The following TP53BP2 variants were observed in gnomAD, a reference collection of about 807,000 sequenced individuals.
The protein encoded by TP53BP2 is apoptosis-stimulating of p53 protein 2.
TP53BP2 carries 62 observed loss-of-function variants against 126.2 expected under a neutral mutation model. The ratio of observed to expected loss-of-function variants is 0.49; its 90% CI spans 0.40 to 0.61. The LOEUF (loss-of-function observed/expected upper bound fraction) is 0.61. Among genes scored for constraint, TP53BP2 ranks in the 20% least tolerant of loss-of-function variants. The probability of loss-of-function intolerance (pLI) is 0.00; values close to 1 mark genes in which losing one functional copy is unlikely to be tolerated. For synonymous variants in TP53BP2, 485 were observed against 502.9 expected (o/e 0.96, Z 0.48); for missense variants, 1,215 against 1,402.8 (o/e 0.87, Z 2.14).
At chr1:223,806,306 A>G (rs1662714437) in intron 5 of TP53BP2, among the ~76,000 whole-genome samples, 1 of 152,166 alleles carries the variant, frequency 6.6e-6, no homozygotes, top group South Asian at 2.1e-4. Flanking sequence ...AATCTTGATC[A>G]GAATCAGGAG....
intron 17 of TP53BP2, among the ~76,000 whole-genome samples, chr1:223,781,296 G>GCC (rs962901962): frequency 1.3e-4 from 20 of 152,362 alleles, no homozygotes; most frequent in Admixed American, 4.6e-4. Flanking sequence ...GAAAGAGACT[G>GCC]AATTCTTTTA....
chr1:223,802,868 T>C lies in TP53BP2; in HGVS notation c.859A>G (p.Asn287Asp). ...QLRNKLNQEQNAKLQQQRECL... is the reference protein window; with the variant it reads ...QLRNKLNQEQDAKLQQQRECL... ...TCCCTCTGTTGTTGTAGCTTGGCAT[T>C]CTGCTCTTGATTCAATTTGTTTCTT... The change falls in exon 8 of 18, where the codon AAT becomes GAT. Residue 287 changes from asparagine to aspartate, a missense_variant. Physicochemically the swap from Asn to Asp is conservative, Grantham distance 23 (BLOSUM62 1). This residue lies in a region of TP53BP2 where 814 missense variants were observed against 853.0 expected (regional missense o/e 0.95). Transcript: ENST00000343537. The C allele has an allele frequency of 6.2e-7, 1 of 1,614,218 alleles. No individual in the cohort carries two copies. Among genetic ancestry groups the C allele is most frequent in the Non-Finnish European group, 8.5e-7 (1 of 1,180,028 alleles).
intron 1 of TP53BP2, among the ~76,000 whole-genome samples, chr1:223,833,737 T>C (rs1211512383): frequency 6.6e-6 from 1 of 152,200 alleles, no homozygotes; most frequent in East Asian, 1.9e-4. Context: ...AACTTCTTGC[T>C]GACTTCAACA....
chr1:223,782,318 T>C (rs1171872919), intron 17 of TP53BP2, among the ~76,000 whole-genome samples: 3 of 152,204 alleles, frequency 2.0e-5, no homozygotes, highest in Non-Finnish European at 2.9e-5. Flanking sequence ...AGGTAAAGTC[T>C]TTCCCAGATA....
rs1662593123 is a variant in TP53BP2 at position 223,803,286 on chromosome 1, G to T, written c.816C>A (p.Leu272=). Residue 272 remains leucine (L), a synonymous_variant, in exon 7 of 18, where the codon CTC becomes CTA. Transcript: ENST00000343537. ...NQSAVAELDR[L]YKELQLRNKL... Reference sequence around the variant, plus strand: ...TACGGTCTACCTGCAGCTCCTTATAGAGGCGATCAAGCTCAGCCACTGCAG... The same window carrying T: ...TACGGTCTACCTGCAGCTCCTTATATAGGCGATCAAGCTCAGCCACTGCAG... 6.2e-7 allele frequency: 1 copy of T among 1,611,768 alleles called. No homozygotes were observed. Among genetic ancestry groups the T allele is most frequent in the Admixed American group, 1.7e-5 (1 of 59,752 alleles).
At chr1:223,817,514 A>T (rs1663130681) in intron 2 of TP53BP2, among the ~76,000 whole-genome samples, 1 of 152,212 alleles carries the variant, frequency 6.6e-6, no homozygotes, top group Non-Finnish European at 1.5e-5. Flanking sequence ...TAGGATCAGA[A>T]GAGGTTCCTA....
intron 4 of TP53BP2, among the ~76,000 whole-genome samples, chr1:223,809,712 G>A (rs1365771989): frequency 6.6e-6 from 1 of 152,188 alleles, no homozygotes; most frequent in African/African-American, 2.4e-5. Flanking sequence ...GAGAAAGGTA[G>A]TTTAGCTAAT....
In TP53BP2 at chr1:223,800,029, G is replaced by T. The variant is rs751874582; in HGVS notation, c.1355C>A (p.Pro452Gln). ...ALDQVDDGEVPLREKEKKVRP... is the reference protein window; with the variant it reads ...ALDQVDDGEVQLREKEKKVRP... ...CACTTTCTTCTCTTTCTCCCTCAGCGGAACCTCTCCATCATCAACTAAAGA... is the reference window on the plus strand; with the variant it reads ...CACTTTCTTCTCTTTCTCCCTCAGCTGAACCTCTCCATCATCAACTAAAGA... The change falls in exon 11 of 18, where the codon CCG (proline) becomes CAG (glutamine). Residue 452 changes from proline to glutamine, a missense_variant. Coordinates refer to ENST00000343537, the MANE Select transcript of TP53BP2 (RefSeq NM_001031685.3). 1.2e-6 allele frequency: 2 copies of T among 1,608,764 alleles called. No homozygotes were observed. The highest frequency in any genetic ancestry group is 1.7e-4 in the Middle Eastern group (1 of 6,056).
At chr1:223,800,442 A>G (rs1662489465) in intron 10 of TP53BP2, among the ~76,000 whole-genome samples, 1 of 152,028 alleles carries the variant, frequency 6.6e-6, no homozygotes, top group Non-Finnish European at 1.5e-5. Flanking sequence ...TTAGTCAGGC[A>G]TGGTGGCATG....
At chr1:223,791,208 C>T (rs535299258) in intron 15 of TP53BP2, among the ~76,000 whole-genome samples, 1 of 152,192 alleles carries the variant, frequency 6.6e-6, no homozygotes, top group Admixed American at 6.5e-5. Flanking sequence ...AGGAGGATCA[C>T]TTGAGTCCAG....
rs1178033103 is a variant in TP53BP2, at chr1:223,800,000, G to T, written c.1384C>A (p.Pro462Thr). 1 of 1,612,088 alleles carries T rather than the reference G, an allele frequency of 6.2e-7. No homozygotes were observed. Among genetic ancestry groups the T allele is most frequent in the African/African-American group, 1.3e-5 (1 of 74,790 alleles). Residue 462 changes from proline to threonine, a missense_variant, in exon 11 of 18, where the codon CCG (proline) becomes ACG (threonine). Physicochemically the swap from Pro to Thr is conservative, Grantham distance 38. Transcript: ENST00000343537. ...PLREKEKKVR[P>T]FSMFDAVDQS... ...TCTACTGCATCAAACATTGAGAACG[G>T]ACGCACTTTCTTCTCTTTCTCCCTC...
At chr1:223,836,485 T>A (rs1663925831) in intron 1 of TP53BP2, among the ~76,000 whole-genome samples, 1 of 152,158 alleles carries the variant, frequency 6.6e-6, no homozygotes, top group Non-Finnish European at 1.5e-5. Flanking sequence ...AATGGAAATG[T>A]ATCAATGACA....
At chr1:223,831,462 C>A (rs1199516309) in intron 1 of TP53BP2, among the ~76,000 whole-genome samples, 3 of 66,624 alleles carry the variant, frequency 4.5e-5, no homozygotes, top group Non-Finnish European at 5.7e-5. Flanking sequence ...ACATATGTAC[C>A]ATCTAAAAAA....
chr1:223,816,977 T>C (rs535033702), intron 2 of TP53BP2, among the ~76,000 whole-genome samples: 1 of 150,608 alleles, frequency 6.6e-6, no homozygotes, highest in South Asian at 2.1e-4. Context: ...CTAGGCAACA[T>C]AGCAAAACCC....
rs1484510429 is a variant in TP53BP2, at chr1:223,780,081, A to G, written c.*772T>C. The G allele has an allele frequency of 6.6e-6, 1 of 152,234 alleles. No individual in the cohort carries two copies. Among genetic ancestry groups the G allele is most frequent in the Non-Finnish European group, 1.5e-5 (1 of 68,044 alleles). The allele number at this position is 152,234 out of a possible 1,614,324, so 9.4% of individuals were successfully genotyped here. ...TATGACATCAAAAACAAAAACCAGT[A>G]AACAGCTAGCATCAAAAAGTTTATT... On this transcript the variant is annotated 3_prime_UTR_variant, in exon 18 of 18. Transcript: ENST00000343537.
Position 223,803,457 on chromosome 1 carries a change from A to G in TP53BP2, c.650-5T>C. 6.2e-7 allele frequency: 1 copy of G among 1,604,886 alleles called. No homozygotes were observed. Among genetic ancestry groups the G allele is most frequent in the Non-Finnish European group, 8.5e-7 (1 of 1,174,700 alleles). On this transcript the variant is annotated splice_polypyrimidine_tract_variant and splice_region_variant and intron_variant, in intron 6 of 17. Transcript: ENST00000343537. ...TCATCTGTTCAATTTCCTCCACTAG[A>G]TGAGACAGAGAACAGCAACAACAGT...
At chr1:223,819,076 C>T (rs1328228555) in intron 2 of TP53BP2, among the ~76,000 whole-genome samples, 1 of 151,102 alleles carries the variant, frequency 6.6e-6, no homozygotes, top group South Asian at 2.1e-4. Context: ...CCCAGCTACT[C>T]GGGAGGCTGA....
intron 10 of TP53BP2, 152 bp downstream of exon 10, chr1:223,800,548 C>T: frequency 1.8e-6 from 1 of 557,604 alleles, no homozygotes; most frequent in South Asian, 2.5e-5. Flanking sequence ...CGCACCACTG[C>T]ACTCCAGCCT....
At chr1:223,828,357 C>T (rs185761313) in intron 1 of TP53BP2, among the ~76,000 whole-genome samples, 9 of 152,252 alleles carry the variant, frequency 5.9e-5, no homozygotes, top group African/African-American at 2.2e-4. Context: ...GGTGGGATGA[C>T]TAAGTGAATT....
Sources: allele counts gnomAD v4.1 joint callset (sites outside exome capture counted in the v4.1 genomes callset), GRCh38; gene constraint gnomAD v4.1.1; regional missense constraint gnomAD v4.1.1; transcripts MANE v1.5; gene names NCBI Gene and HGNC (gene_info 2026-07-23, HGNC 2026-07-21).